TBCK: variants seen among roughly 807,000 people sequenced by gnomAD.
TBCK encodes the protein TBC1 domain containing kinase, also known as TBC domain-containing protein kinase-like protein.
A neutral mutation model predicts 113.4 loss-of-function variants in TBCK; 99 were observed. The observed-to-expected ratio is 0.87, with a 90% confidence interval of 0.74 to 1.03. TBCK has a LOEUF of 1.03. Among genes scored for constraint, TBCK ranks in the 50% least tolerant of loss-of-function variants. The pLI, the probability that TBCK is intolerant of heterozygous loss-of-function variation, is 0.00. For missense variants in TBCK, 1,045 were observed against 1,061.3 expected, an observed-to-expected ratio of 0.98 and a Z score of 0.21; for synonymous variants, 369 against 370.8, an observed-to-expected ratio of 1.00 and a Z score of 0.05.
intron 23 of TBCK, among the ~76,000 whole-genome samples, chr4:106,144,762 G>T (rs1017150228): frequency 1.3e-4 from 19 of 151,978 alleles, no homozygotes; most frequent in African/African-American, 4.6e-4. Flanking sequence ...GGTGGCTCAC[G>T]CCTGTAATCC....
intron 23 of TBCK, among the ~76,000 whole-genome samples, chr4:106,132,509 C>A (rs569226057): frequency 5.3e-4 from 80 of 152,338 alleles, no homozygotes; most frequent in Middle Eastern, 6.8e-3. Context: ...ACCTGGACGT[C>A]CATGCAAAAG....
At chr4:106,248,178 A>G in intron 9 of TBCK, 67 bp downstream of exon 9, 1 of 1,085,242 alleles carries the variant, frequency 9.2e-7, no homozygotes. Context: ...ATATTAAAAC[A>G]AGAAAAAAAC....
At chr4:106,291,112 T>C (rs1219812372) in intron 3 of TBCK, among the ~76,000 whole-genome samples, 1 of 152,216 alleles carries the variant, frequency 6.6e-6, no homozygotes, top group Non-Finnish European at 1.5e-5. Context: ...AGTGAGTTGA[T>C]GTACTTCAAG....
At chr4:106,196,927 A>G (rs943744881) in intron 20 of TBCK, among the ~76,000 whole-genome samples, 3 of 152,136 alleles carry the variant, frequency 2.0e-5, no homozygotes, top group African/African-American at 7.2e-5. Flanking sequence ...TAGTCTTTGT[A>G]ATTAGCTTCA....
Position 106,235,297 on chromosome 4 carries a change from A to G in TBCK, c.1421T>C (p.Leu474Ser), listed in dbSNP as rs763863667. ...RVDIPPLMRGLTWAALLGVEG... is the reference protein window; with the variant it reads ...RVDIPPLMRGSTWAALLGVEG... ...AACTCCCAGAAGAGCAGCCCAGGTTAAACCTCTCATAAGAGGAGGAATGTC... is the reference window on the plus strand; with the variant it reads ...AACTCCCAGAAGAGCAGCCCAGGTTGAACCTCTCATAAGAGGAGGAATGTC... Residue 474 changes from leucine to serine, a missense_variant, in exon 15 of 26, where the codon TTA (leucine) becomes TCA (serine). Physicochemically the swap from Leu to Ser is moderately radical, Grantham distance 145 (BLOSUM62 -2). Transcript: ENST00000394708. 5 of 1,610,354 alleles carry G rather than the reference A, an allele frequency of 3.1e-6. No homozygotes were observed. The South Asian group carries it at 3.3e-5, about 11-fold the overall frequency.
chr4:106,223,688 G>A (rs1757946115), intron 19 of TBCK, among the ~76,000 whole-genome samples: 1 of 152,022 alleles, frequency 6.6e-6, no homozygotes, highest in Admixed American at 6.5e-5. Context: ...TTTCCGACTT[G>A]TAGCAACCAC....
At chr4:106,190,885 C>T (rs550370842) in intron 22 of TBCK, among the ~76,000 whole-genome samples, 3 of 152,236 alleles carry the variant, frequency 2.0e-5, no homozygotes, top group East Asian at 3.9e-4. Context: ...AGACTACAGG[C>T]GCCTGCCACC....
At chr4:106,183,505 C>T (rs904584052) in intron 22 of TBCK, among the ~76,000 whole-genome samples, 8 of 152,030 alleles carry the variant, frequency 5.3e-5, no homozygotes, top group Non-Finnish European at 1.2e-4. Flanking sequence ...GCTGCCAATG[C>T]TTTCTCTCCA....
At chr4:106,213,695 C>T (rs1756465432) in intron 19 of TBCK, 1 of 154,808 alleles carries the variant, frequency 6.5e-6, no homozygotes, top group Admixed American at 6.5e-5. Flanking sequence ...AGATTATATC[C>T]TGCACCTGGC....
intron 22 of TBCK, among the ~76,000 whole-genome samples, chr4:106,192,713 G>C (rs1331427709): frequency 6.6e-6 from 1 of 152,010 alleles, no homozygotes; most frequent in East Asian, 1.9e-4. Context: ...ATAAAAATGA[G>C]GGCTGGCAGT....
intron 20 of TBCK, among the ~76,000 whole-genome samples, chr4:106,206,341 T>C (rs2149863280): frequency 6.6e-6 from 1 of 152,344 alleles, no homozygotes; most frequent in East Asian, 1.9e-4. Context: ...CATTTTATCA[T>C]CCCTGATACT....
intron 25 of TBCK, among the ~76,000 whole-genome samples, chr4:106,070,105 C>A (rs535290208): frequency 2.0e-5 from 3 of 152,030 alleles, no homozygotes; most frequent in Non-Finnish European, 4.4e-5. Context: ...ATTTGACTTC[C>A]TCTTTTCCTA....
chr4:106,197,537 A>T (rs1179573852), intron 20 of TBCK, among the ~76,000 whole-genome samples: 1 of 150,860 alleles, frequency 6.6e-6, no homozygotes, highest in African/African-American at 2.4e-5. Flanking sequence ...GAATGAAAAC[A>T]ACAAAACAAA....
At position 106,123,199 on chromosome 4, in the gene TBCK, T is replaced by C. The variant is rs1319660928; in HGVS notation, c.2236-6821A>G. Among the ~76,000 whole-genome samples the C allele has an allele frequency of 2.6e-5, 4 of 152,150 alleles. No individual in the cohort carries two copies. In the South Asian group the frequency reaches 6.2e-4, roughly 24 times the overall value. On this transcript the variant is annotated intron_variant, in intron 23 of 25. Coordinates refer to ENST00000394708, the MANE Select transcript of TBCK (RefSeq NM_001163435.3). ...AAAGTCTCAGGATACAAAATCAATG[T>C]AGAAAAATCACAAGCATTCTTATAC...
chr4:106,120,108 C>T (rs145342599), intron 23 of TBCK, among the ~76,000 whole-genome samples: 19,652 of 152,092 alleles, frequency 0.13, 1,600 homozygotes, highest in South Asian at 0.24. Flanking sequence ...AATGGGTGCG[C>T]GCACCGTGCG....
At chr4:106,091,698 G>T (rs1028622169) in intron 25 of TBCK, among the ~76,000 whole-genome samples, 1 of 152,156 alleles carries the variant, frequency 6.6e-6, no homozygotes, top group African/African-American at 2.4e-5. Flanking sequence ...GAGTGTTACA[G>T]CTCATAAAGG....
chr4:106,149,715 A>G (rs1216354374), intron 23 of TBCK, among the ~76,000 whole-genome samples: 2 of 152,222 alleles, frequency 1.3e-5, no homozygotes, highest in Admixed American at 6.5e-5. Context: ...TGCAAGAATT[A>G]CCAAAGTATG....
chr4:106,056,143 A>G (rs951929700), intron 25 of TBCK, among the ~76,000 whole-genome samples: 5 of 151,418 alleles, frequency 3.3e-5, no homozygotes, highest in South Asian at 4.2e-4. Flanking sequence ...TTCAAATTCA[A>G]TATGTCCAAA....
At chr4:106,302,065 T>C (rs1334639122) in intron 2 of TBCK, among the ~76,000 whole-genome samples, 1 of 152,208 alleles carries the variant, frequency 6.6e-6, no homozygotes, top group African/African-American at 2.4e-5. Flanking sequence ...ACACAACTTT[T>C]CAGAATGCTA....
Sources: allele counts gnomAD v4.1 joint callset (sites outside exome capture counted in the v4.1 genomes callset), GRCh38; gene constraint gnomAD v4.1.1; transcripts MANE v1.5; gene names NCBI Gene and HGNC (gene_info 2026-07-23, HGNC 2026-07-21).